Variants in PLXNB3 observed in about 807,000 individuals in gnomAD.
The protein encoded by PLXNB3 is plexin B3.
Under a neutral mutation model 125.7 loss-of-function variants are expected in PLXNB3, and 80 were observed. The ratio of observed to expected loss-of-function variants is 0.64; its 90% CI spans 0.53 to 0.77. The LOEUF (loss-of-function observed/expected upper bound fraction) is 0.77. PLXNB3 is among the 30% of genes least tolerant of loss of function. The pLI, the probability that PLXNB3 is intolerant of heterozygous loss-of-function variation, is 0.00. For synonymous variants in PLXNB3, 954 were observed against 783.3 expected, an observed-to-expected ratio of 1.22 and a Z score of -3.64; for missense variants, 1,836 against 1,729.3, an observed-to-expected ratio of 1.06 and a Z score of -1.09.
intron 10 of PLXNB3, 53 bp from the exon 11 acceptor site, chrX:153,770,705 C>T: frequency 8.3e-7 from 1 of 1,206,959 alleles, no homozygotes; most frequent in Non-Finnish European, 1.1e-6. Context: ...CCCAGACCCG[C>T]CCAGCAGTAG....
At position 153,775,689 on chromosome X, in the gene PLXNB3, G is replaced by A. The variant is rs113000721; in HGVS notation, c.4401+29G>A. On this transcript the variant is annotated intron_variant, in intron 26 of 35. Coordinates refer to ENST00000361971, the MANE Select transcript of PLXNB3 (RefSeq NM_005393.3). ...AGGGGCACTGTCCCGCCTGCTCCCAGCCCTGAGTGGCAGACTCCTCCCCTC... is the reference window on the plus strand; with the variant it reads ...AGGGGCACTGTCCCGCCTGCTCCCAACCCTGAGTGGCAGACTCCTCCCCTC... 3.4e-4 allele frequency: 399 copies of A among 1,178,734 alleles called. No homozygotes were observed. The African/African-American group carries it at 5.6e-3, about 16-fold the overall frequency.
chrX:153,776,490 G>A (rs1557064321), intron 28 of PLXNB3, 31 bp downstream of exon 28: 4 of 530,765 alleles, frequency 7.5e-6, no homozygotes, highest in African/African-American at 3.1e-5. Flanking sequence ...AGGCAGGGCG[G>A]GGCTGGGGCG....
In PLXNB3 at chrX:153,771,517, G is replaced by A. The variant is rs142380642; in HGVS notation, c.2379G>A (p.Pro793=). The part of the protein sequence containing the change: ...VILYDCAMGH[P]DCSHCQAANR... Reference sequence around the variant, plus strand: ...TGTACGACTGCGCCATGGGCCACCCGGACTGCAGCCACTGCCAAGCGGCCA... The same window carrying A: ...TGTACGACTGCGCCATGGGCCACCCAGACTGCAGCCACTGCCAAGCGGCCA... Residue 793 remains proline, a synonymous_variant, in exon 14 of 36, where the codon CCG becomes CCA. Transcript: ENST00000361971. 59 of 1,204,782 alleles carry A rather than the reference G, an allele frequency of 4.9e-5. No individual in the cohort carries two copies. The highest frequency in any genetic ancestry group is 4.9e-4 in the African/African-American group (28 of 57,433).
chrX:153,779,107 C>A lies in PLXNB3; in HGVS notation c.*68C>A. ...AGCGCCTTATGACCCCGGAACCGAG[C>A]CAGCCACTGAGGGGAGCTGGCAGAG... On this transcript the variant is annotated 3_prime_UTR_variant, in exon 36 of 36. Coordinates refer to ENST00000361971, the MANE Select transcript of PLXNB3 (RefSeq NM_005393.3). 1 of 803,675 alleles carries A rather than the reference C, an allele frequency of 1.2e-6. No homozygotes were observed. Among genetic ancestry groups the A allele is most frequent in the Non-Finnish European group, 1.7e-6 (1 of 577,465 alleles). 66.2% of individuals were successfully genotyped at this position (803,675 alleles called of 1,213,427 possible).
chrX:153,775,513 G>A lies in PLXNB3; in HGVS notation c.4335-81G>A, dbSNP rs1210297325. 6 of 1,142,765 alleles carry A rather than the reference G, an allele frequency of 5.3e-6. No homozygotes were observed. In the African/African-American group the frequency reaches 5.3e-5, roughly 10 times the overall value. 94.2% of individuals were successfully genotyped at this position (1,142,765 alleles called of 1,213,427 possible). A position where few individuals can be genotyped will look rare whatever the true frequency, so the allele number is the denominator to read the frequency against. On this transcript the variant is annotated intron_variant, in intron 25 of 35. Coordinates refer to ENST00000361971, the MANE Select transcript of PLXNB3 (RefSeq NM_005393.3). The stretch of plus-strand genomic sequence containing the variant: ...GGGCGGGTGGGGCCAGGAAGCCCCA[G>A]CAGGTGGGGGGAAGGAAAGTGAGAT...
Position 153,774,245 on chromosome X carries a change from C to T in PLXNB3, c.3579C>T (p.Gly1193=). 4 of 1,195,644 alleles carry T rather than the reference C, an allele frequency of 3.3e-6. No homozygotes were observed. Among genetic ancestry groups the T allele is most frequent in the Non-Finnish European group, 4.5e-6 (4 of 891,588 alleles). ...AGGTGCGCGTGCACATCGGCCGCGG[C>T]GAGTGCCTGGTGAAGACGCTCACGC... The part of the protein sequence containing the change: ...KEEVRVHIGR[G]ECLVKTLTRT... The change falls in exon 21 of 36, where the codon GGC becomes GGT. Residue 1193 remains glycine, a synonymous_variant. Coordinates refer to ENST00000361971, the MANE Select transcript of PLXNB3 (RefSeq NM_005393.3).
chrX:153,776,444 C>T lies in PLXNB3; in HGVS notation c.4818C>T (p.Thr1606=), dbSNP rs782340694. Residue 1606 remains threonine, a synonymous_variant, in exon 28 of 36, where the codon ACC becomes ACT. Coordinates refer to ENST00000361971, the MANE Select transcript of PLXNB3 (RefSeq NM_005393.3). ...AAAACCACTGGAAGAGACTCAACAC[C>T]TTGCAACACTACAAGGTGTGAGCAG... ...VTQNHWKRLN[T]LQHYKVPDGA... is the part of the protein sequence containing the mutation. The T allele has an allele frequency of 4.2e-5, 46 of 1,102,200 alleles. No homozygotes were observed. In the South Asian group the frequency reaches 8.0e-4, roughly 19 times the overall value. 90.8% of individuals were successfully genotyped at this position (1,102,200 alleles called of 1,213,427 possible).
chrX:153,778,288 G>A lies in PLXNB3; in HGVS notation c.5437G>A (p.Ala1813Thr), dbSNP rs1303243413. ...TTCCCCAGTGAACAAACTGCTCTAC[G>A]CCCGGGAGATCCCACGCTACAAGCA... is the stretch of plus-strand genomic sequence containing the variant. ...RDSPVNKLLY[A>T]REIPRYKQMV... The change falls in exon 33 of 36, where the codon GCC becomes ACC. Residue 1813 changes from alanine (A) to threonine (T), a missense_variant. Ala to Thr is a moderately conservative substitution (Grantham distance 58). Coordinates refer to ENST00000361971, the MANE Select transcript of PLXNB3 (RefSeq NM_005393.3). The A allele has an allele frequency of 5.0e-6, 6 of 1,198,530 alleles. No individual in the cohort carries two copies. The highest frequency in any genetic ancestry group is 4.4e-5 in the Admixed American group (2 of 45,429).
rs2266883 is a variant in PLXNB3, at chrX:153,772,544, G to A, written c.2775+257G>A. ...GGAAGCCTGGGACAGGAGCAGTGAG[G>A]GCAGGGGTGGGTTCTGCCCAAAGAG... On this transcript the variant is annotated intron_variant, in intron 16 of 35. Coordinates refer to ENST00000361971, the MANE Select transcript of PLXNB3 (RefSeq NM_005393.3). Among the ~76,000 whole-genome samples the A allele has an allele frequency of 3.9e-4, 43 of 110,548 alleles. 1 individual carries two copies. Among genetic ancestry groups the A allele is most frequent in the African/African-American group, 1.4e-3 (42 of 30,339 alleles).
intron 31 of PLXNB3, 89 bp from the exon 32 acceptor site, chrX:153,777,859 G>T: frequency 2.7e-6 from 3 of 1,114,567 alleles, no homozygotes; most frequent in Non-Finnish European, 2.4e-6. Flanking sequence ...CCCTGGCTCC[G>T]AGTGTGTTGC....
rs782149290 is a variant in PLXNB3, at chrX:153,778,604, A to T, written c.5555A>T (p.Tyr1852Phe). ...NSALAELSGN[Y>F]TSAPHCLEAL... ...CCCTCCACGTGGTGCCCCCAGAACT[A>T]CACTTCTGCTCCCCACTGTCTGGAG... The change falls in exon 35 of 36, where the codon TAC becomes TTC. Residue 1852 changes from tyrosine to phenylalanine, a missense_variant. By Grantham distance (22) the Tyr-to-Phe change is conservative. Transcript: ENST00000361971. The T allele has an allele frequency of 2.5e-6, 3 of 1,200,453 alleles. No individual in the cohort carries two copies. Among genetic ancestry groups the T allele is most frequent in the African/African-American group, 1.8e-5 (1 of 57,109 alleles).
chrX:153,773,109 C>T (rs2091951109), intron 17 of PLXNB3, 93 bp downstream of exon 17: 1 of 1,063,230 alleles, frequency 9.4e-7, no homozygotes, highest in African/African-American at 1.9e-5. Flanking sequence ...TGTGGCCACC[C>T]CCAGTGGTCC....
At position 153,774,585 on chromosome X, in the gene PLXNB3, A is replaced by C. The variant is rs1557063327; in HGVS notation, c.3830+14A>C. ...CCTCATGTACAGGTGAGACCCGCCC[A>C]CCCCCAGCACACTTCCCTCCTCGCC... On this transcript the variant is annotated intron_variant, in intron 22 of 35. Transcript: ENST00000361971. The C allele has an allele frequency of 8.5e-7, 1 of 1,177,850 alleles. No homozygotes were observed. Among genetic ancestry groups the C allele is most frequent in the South Asian group, 1.9e-5 (1 of 51,926 alleles).
rs1167177022 is a variant in PLXNB3 at position 153,774,310 on chromosome X, A to G, written c.3644A>G (p.Gln1215Arg). ...TGCGAGCCGCCTGCGCACGCCCCGC[A>G]GCCTGCCAATGGCTCCGGCCTGCCA... ...LYCEPPAHAP[Q>R]PANGSGLPQF... is the part of the protein sequence containing the mutation. The change falls in exon 21 of 36, where the codon CAG (glutamine) becomes CGG (arginine). Residue 1215 changes from glutamine to arginine, a missense_variant. Gln to Arg is a conservative substitution (Grantham distance 43). Coordinates refer to ENST00000361971, the MANE Select transcript of PLXNB3 (RefSeq NM_005393.3). 4.3e-6 allele frequency: 5 copies of G among 1,162,858 alleles called. No homozygotes were observed. In the African/African-American group the frequency reaches 7.1e-5, roughly 16 times the overall value.
In PLXNB3 at chrX:153,776,443, C is replaced by G; in HGVS notation, c.4817C>G (p.Thr1606Ser). The stretch of plus-strand genomic sequence containing the variant: ...CAAAACCACTGGAAGAGACTCAACA[C>G]CTTGCAACACTACAAGGTGTGAGCA... ...VTQNHWKRLN[T>S]LQHYKVPDGA... Residue 1606 changes from threonine (T) to serine (S), a missense_variant, in exon 28 of 36, where the codon ACC becomes AGC. Physicochemically the swap from Thr to Ser is moderately conservative, Grantham distance 58 (BLOSUM62 1). Transcript: ENST00000361971. 2 of 1,133,623 alleles carry G rather than the reference C, an allele frequency of 1.8e-6. No homozygotes were observed. Among genetic ancestry groups the G allele is most frequent in the Non-Finnish European group, 2.4e-6 (2 of 837,320 alleles). 93.4% of individuals were successfully genotyped at this position (1,133,623 alleles called of 1,213,427 possible).
At position 153,778,404 on chromosome X, in the gene PLXNB3, C is replaced by T. The variant is rs782253397; in HGVS notation, c.5483C>T (p.Ala1828Val). Residue 1828 changes from alanine to valine, a missense_variant, in exon 34 of 36, where the codon GCG (alanine) becomes GTG (valine). Transcript: ENST00000361971. ...GAAGTCTGCTCCTCCAGGTACTATGCGGACATTCGCCAGAGCTCTCCGGCG... is the reference window on the plus strand; with the variant it reads ...GAAGTCTGCTCCTCCAGGTACTATGTGGACATTCGCCAGAGCTCTCCGGCG... ...RYKQMVERYY[A>V]DIRQSSPASY... is the part of the protein sequence containing the mutation. The T allele has an allele frequency of 5.0e-6, 6 of 1,209,710 alleles. No homozygotes were observed. In the African/African-American group the frequency reaches 5.2e-5, roughly 11 times the overall value.
chrX:153,771,268 C>T (rs781804310), intron 12 of PLXNB3, 42 bp from the exon 13 acceptor site: 38 of 1,081,305 alleles, frequency 3.5e-5, no homozygotes, highest in Non-Finnish European at 4.6e-5. Flanking sequence ...GTCAGAGGTG[C>T]CCTGAGTGGG....
At chrX:153,777,106 C>T (rs2092005780) in intron 29 of PLXNB3, 102 bp from the exon 30 acceptor site, 5 of 1,037,299 alleles carry the variant, frequency 4.8e-6, no homozygotes, top group Non-Finnish European at 6.5e-6. Flanking sequence ...TCCTTCCTTT[C>T]TTCCAGTCCC....
At chrX:153,770,292 G>T in intron 8 of PLXNB3, 44 bp downstream of exon 8, 1 of 1,203,170 alleles carries the variant, frequency 8.3e-7, no homozygotes, top group Admixed American at 2.2e-5. Context: ...AGGCTGGAGG[G>T]GTAATGAGCC....
Sources: allele counts gnomAD v4.1 joint callset (sites outside exome capture counted in the v4.1 genomes callset), GRCh38; gene constraint gnomAD v4.1.1; transcripts MANE v1.5; gene names NCBI Gene and HGNC (gene_info 2026-07-23, HGNC 2026-07-21).